The following MPP7 variants were observed in gnomAD, a reference collection of about 807,000 sequenced individuals.
MPP7 encodes MAGUK p55 scaffold protein 7.
In MPP7, 60 loss-of-function variants were observed where a neutral mutation model predicts 76.5. The ratio of observed to expected loss-of-function variants is 0.78; its 90% CI spans 0.64 to 0.97. The LOEUF (loss-of-function observed/expected upper bound fraction) is 0.97, where lower values mean the gene tolerates loss of function less well. MPP7 is among the 50% of genes least tolerant of loss of function. MPP7 has a pLI of 0.00. For synonymous variants in MPP7, 237 were observed against 244.5 expected (o/e 0.97, Z 0.29); for missense variants, 641 against 694.0 (o/e 0.92, Z 0.86).
At chr10:28,158,869 T>C (rs564699264) in intron 3 of MPP7, among the ~76,000 whole-genome samples, 23 of 152,276 alleles carry the variant, frequency 1.5e-4, no homozygotes, top group Admixed American at 5.2e-4. Flanking sequence ...GGCAATAATG[T>C]GGCCAACTTC....
At chr10:28,109,863 A>AAAAAAAAAAAAAAAAAAAAAAT (rs1834445245) in intron 11 of MPP7, among the ~76,000 whole-genome samples, 1 of 149,480 alleles carries the variant, frequency 6.7e-6, no homozygotes, top group Non-Finnish European at 1.5e-5. Flanking sequence ...AAAAAAAAAA[A>AAAAAAAAAAAAAAAAAAAAAAT]AAAAAAAAAA....
chr10:28,200,230 C>T (rs550948790), intron 3 of MPP7, among the ~76,000 whole-genome samples: 268 of 152,154 alleles, frequency 1.8e-3, no homozygotes, highest in African/African-American at 5.9e-3. Context: ...TACTTGAAAA[C>T]GAATAGAATG....
intron 11 of MPP7, chr10:28,118,638 G>A: frequency 4.1e-6 from 4 of 985,354 alleles, no homozygotes; most frequent in East Asian, 1.1e-4. Context: ...AAGACTTGTA[G>A]CATTCTGTGA....
chr10:28,154,524 A>G (rs772412790), intron 3 of MPP7, among the ~76,000 whole-genome samples: 5 of 152,236 alleles, frequency 3.3e-5, no homozygotes, highest in African/African-American at 4.8e-5. Context: ...TAAAGTCTAC[A>G]AAATACAAAG....
intron 1 of MPP7, among the ~76,000 whole-genome samples, chr10:28,295,844 C>T (rs932682641): frequency 1.3e-4 from 20 of 152,230 alleles, no homozygotes; most frequent in African/African-American, 4.6e-4. Flanking sequence ...TTGAGCAGTA[C>T]AGCTCTATGT....
chr10:28,238,428 G>A, intron 2 of MPP7, 140 bp downstream of exon 2: 2 of 833,520 alleles, frequency 2.4e-6, no homozygotes, highest in South Asian at 1.6e-5. Context: ...GGGCATCCCT[G>A]AGTTGATCTT....
intron 12 of MPP7, among the ~76,000 whole-genome samples, chr10:28,073,794 A>T (rs765661492): frequency 1.1e-4 from 17 of 151,442 alleles, no homozygotes; most frequent in Admixed American, 3.9e-4. Context: ...TTTTTTTTTT[A>T]CCTAGTCTAC....
At chr10:28,257,176 G>T (rs570319751) in intron 1 of MPP7, among the ~76,000 whole-genome samples, 1 of 152,270 alleles carries the variant, frequency 6.6e-6, no homozygotes, top group Admixed American at 6.5e-5. Context: ...CAGTTGAGAT[G>T]TCACAGTATT....
chr10:28,123,003 T>G (rs1445626126), intron 8 of MPP7, among the ~76,000 whole-genome samples: 2 of 152,192 alleles, frequency 1.3e-5, no homozygotes, highest in African/African-American at 2.4e-5. Context: ...TGGGAATTTA[T>G]TTTTATGTAT....
At chr10:28,251,839 T>C (rs563491932) in intron 1 of MPP7, among the ~76,000 whole-genome samples, 1 of 152,258 alleles carries the variant, frequency 6.6e-6, no homozygotes, top group East Asian at 1.9e-4. Flanking sequence ...GGAGGATTAC[T>C]TGACCCCAGG....
chr10:28,118,334 TATA>T (rs1410016975), intron 11 of MPP7: 36 of 976,350 alleles, frequency 3.7e-5, no homozygotes, highest in Non-Finnish European at 4.3e-5. Context: ...AATGAAAATT[TATA>T]ATAATATCAA....
intron 1 of MPP7, among the ~76,000 whole-genome samples, chr10:28,255,841 A>G (rs1839767520): frequency 6.6e-6 from 1 of 152,228 alleles, no homozygotes; most frequent in African/African-American, 2.4e-5. Context: ...TGGACTAACT[A>G]TGAATATGTC....
intron 1 of MPP7, among the ~76,000 whole-genome samples, chr10:28,245,618 A>T (rs995333221): frequency 6.6e-6 from 1 of 151,822 alleles, no homozygotes; most frequent in Non-Finnish European, 1.5e-5. Context: ...AAAACATCTA[A>T]CCCATATATA....
chr10:28,257,270 G>T (rs575742280), intron 1 of MPP7, among the ~76,000 whole-genome samples: 1 of 152,226 alleles, frequency 6.6e-6, no homozygotes, highest in African/African-American at 2.4e-5. Flanking sequence ...GGGAGGGAAG[G>T]TCTGAGCTTG....
intron 1 of MPP7, among the ~76,000 whole-genome samples, chr10:28,248,739 A>T (rs1564731881): frequency 6.6e-6 from 1 of 152,172 alleles, no homozygotes; most frequent in African/African-American, 2.4e-5. Flanking sequence ...AGATACACAA[A>T]TACTTACCAC....
chr10:28,159,479 T>C (rs959153473), intron 3 of MPP7, among the ~76,000 whole-genome samples: 26 of 152,206 alleles, frequency 1.7e-4, no homozygotes, highest in African/African-American at 6.3e-4. Flanking sequence ...AAGAGTGGCA[T>C]TGTTTGACAA....
intron 1 of MPP7, among the ~76,000 whole-genome samples, chr10:28,263,011 G>A (rs955449801): frequency 1.3e-4 from 20 of 152,140 alleles, no homozygotes; most frequent in African/African-American, 4.8e-4. Flanking sequence ...AGCTGAGTTC[G>A]CACCACCGCA....
At chr10:28,278,107 GT>G (rs1840558463) in intron 1 of MPP7, among the ~76,000 whole-genome samples, 1 of 151,970 alleles carries the variant, frequency 6.6e-6, no homozygotes, top group Non-Finnish European at 1.5e-5. Flanking sequence ...AGAGAATATT[GT>G]TTTAATATAG....
chr10:28,091,061 C>G (rs545204857), intron 11 of MPP7, among the ~76,000 whole-genome samples: 1 of 151,984 alleles, frequency 6.6e-6, no homozygotes, highest in Non-Finnish European at 1.5e-5. Context: ...ACAGGAGAAT[C>G]GCTTGAACTC....
Sources: gnomAD v4.1 joint callset for allele counts (sites outside exome capture counted in the v4.1 genomes callset) on GRCh38, gnomAD v4.1.1 for gene constraint, MANE v1.5 for transcripts, NCBI Gene and HGNC (gene_info 2026-07-23, HGNC 2026-07-21) for gene names.